The following KCNQ5 variants were observed in gnomAD, a reference collection of about 807,000 sequenced individuals.
KCNQ5 encodes the protein potassium voltage-gated channel subfamily Q member 5.
In KCNQ5, 30 loss-of-function variants were observed where a neutral mutation model predicts 98.2. The observed-to-expected ratio is 0.31, with a 90% CI of 0.23 to 0.41. The LOEUF (loss-of-function observed/expected upper bound fraction) is 0.41, where lower values mean the gene tolerates loss of function less well. Ranked by LOEUF, KCNQ5 falls within the 10% of genes least tolerant of loss-of-function variation. The pLI is 1.00. For synonymous variants in KCNQ5, 458 were observed against 449.4 expected (o/e 1.02, Z -0.24); for missense variants, 835 against 1,182.5 (o/e 0.71, Z 4.31).
At chr6:72,838,131 A>T (rs1776597516) in intron 1 of KCNQ5, among the ~76,000 whole-genome samples, 1 of 112,450 alleles carries the variant, frequency 8.9e-6, no homozygotes, top group South Asian at 3.3e-4. Context: ...AGGCCCCGAC[A>T]CCAGGTTATT....
At chr6:72,645,986 C>A (rs1428095716) in intron 1 of KCNQ5, among the ~76,000 whole-genome samples, 2 of 151,886 alleles carry the variant, frequency 1.3e-5, no homozygotes, top group Admixed American at 6.6e-5. Context: ...ATGTACTGTG[C>A]CCCTAGTTAA....
chr6:72,863,223 C>T (rs1172979516), intron 1 of KCNQ5, among the ~76,000 whole-genome samples: 1 of 152,054 alleles, frequency 6.6e-6, no homozygotes, highest in Non-Finnish European at 1.5e-5. Context: ...CTTTTCCTGC[C>T]CATACTAAAT....
chr6:72,635,603 T>A, intron 1 of KCNQ5, among the ~76,000 whole-genome samples: 1 of 151,710 alleles, frequency 6.6e-6, no homozygotes, highest in East Asian at 1.9e-4. Flanking sequence ...ACATTTTCCC[T>A]GGATGTTTCT....
chr6:72,982,832 T>G lies in KCNQ5; in HGVS notation c.399-21076T>G, dbSNP rs150342071. 2.2e-3 allele frequency among the ~76,000 whole-genome samples: 333 copies of G among 152,352 alleles called. 1 individual carries two copies. The highest frequency in any genetic ancestry group is 7.4e-3 in the African/African-American group (307 of 41,578). On this transcript the variant is annotated intron_variant, in intron 1 of 13. Coordinates refer to ENST00000370398, the MANE Select transcript of KCNQ5 (RefSeq NM_019842.4). Reference sequence around the variant, plus strand: ...ACCGGTTGTTGCTTTCCATGTTTAGTGCTTCCTTTAGGAGCTCTTGTCAGG... The same window carrying G: ...ACCGGTTGTTGCTTTCCATGTTTAGGGCTTCCTTTAGGAGCTCTTGTCAGG...
chr6:73,105,843 CATT>C (rs932951210), intron 6 of KCNQ5, among the ~76,000 whole-genome samples: 3 of 152,042 alleles, frequency 2.0e-5, no homozygotes, highest in Non-Finnish European at 4.4e-5. Flanking sequence ...GTGTCATCAT[CATT>C]GATTTTTTTA....
chr6:72,791,574 C>T (rs1458940696), intron 1 of KCNQ5, among the ~76,000 whole-genome samples: 1 of 152,102 alleles, frequency 6.6e-6, no homozygotes, highest in Admixed American at 6.6e-5. Flanking sequence ...TTTGTAAATT[C>T]AACTATTTGG....
intron 1 of KCNQ5, among the ~76,000 whole-genome samples, chr6:72,994,624 G>T (rs556167974): frequency 1.1e-3 from 166 of 150,866 alleles, no homozygotes; most frequent in African/African-American, 4.0e-3. Context: ...CGTCTTCTGC[G>T]TCGCTCACGC....
In KCNQ5 at chr6:73,166,659, G is replaced by A. The variant is rs117202577; in HGVS notation, c.1469-3087G>A. 1.9e-3 allele frequency among the ~76,000 whole-genome samples: 293 copies of A among 152,292 alleles called. 2 individuals are homozygous for A. The highest frequency in any genetic ancestry group is 3.3e-3 in the Admixed American group (51 of 15,296). On this transcript the variant is annotated intron_variant, in intron 10 of 13. Transcript: ENST00000370398. ...ACAAATCAGGTGGCTTGAAAGCACA[G>A]AAGTGTATTATCTCACAGTACGGGA...
At chr6:72,800,188 A>T (rs1450459638) in intron 1 of KCNQ5, among the ~76,000 whole-genome samples, 1 of 152,168 alleles carries the variant, frequency 6.6e-6, no homozygotes, top group African/African-American at 2.4e-5. Context: ...TGATAGGAAT[A>T]GTTTCAGAAG....
intron 1 of KCNQ5, among the ~76,000 whole-genome samples, chr6:72,728,692 C>A (rs1034526837): frequency 6.6e-6 from 1 of 152,196 alleles, no homozygotes; most frequent in Non-Finnish European, 1.5e-5. Context: ...TGTATCAACA[C>A]TTGCCTTGGT....
At chr6:72,847,130 T>A (rs530428290) in intron 1 of KCNQ5, among the ~76,000 whole-genome samples, 165 of 151,628 alleles carry the variant, frequency 1.1e-3, no homozygotes, top group African/African-American at 3.8e-3. Context: ...TAAAATAAAT[T>A]AAAAAAAAAT....
intron 1 of KCNQ5, among the ~76,000 whole-genome samples, chr6:72,666,826 G>A (rs1024678435): frequency 1.4e-4 from 21 of 152,100 alleles, no homozygotes; most frequent in African/African-American, 4.8e-4. Flanking sequence ...AACTTATTAA[G>A]TATATTCATG....
At chr6:72,774,316 C>A (rs1457739173) in intron 1 of KCNQ5, among the ~76,000 whole-genome samples, 1 of 152,068 alleles carries the variant, frequency 6.6e-6, no homozygotes, top group Non-Finnish European at 1.5e-5. Context: ...CCTGTCTGAA[C>A]TCCAATAAAA....
chr6:72,987,751 A>G, intron 1 of KCNQ5: 1 of 492,286 alleles, frequency 2.0e-6, no homozygotes, highest in East Asian at 5.0e-5. Flanking sequence ...GGAAGATTAA[A>G]CTCTAGAGTT....
At chr6:72,741,814 G>T (rs1582204917) in intron 1 of KCNQ5, among the ~76,000 whole-genome samples, 1 of 152,144 alleles carries the variant, frequency 6.6e-6, no homozygotes. Context: ...TATGCTTCCT[G>T]GTGGTAGTTT....
At chr6:72,760,447 CGTGTGTGTGTGTGT>C (rs10607088) in intron 1 of KCNQ5, among the ~76,000 whole-genome samples, 8 of 148,032 alleles carry the variant, frequency 5.4e-5, no homozygotes, top group Admixed American at 1.3e-4. Context: ...TTCAGGAGTA[CGTGTGTGTGTGTGT>C]GTGTGTGTGT....
At chr6:72,860,855 A>ATG (rs10644054) in intron 1 of KCNQ5, among the ~76,000 whole-genome samples, 98,688 of 147,618 alleles carry the variant, frequency 0.67, 33,549 homozygotes, top group South Asian at 0.83. Context: ...GTGTGTGTGT[A>ATG]TGTGTGTGTG....
chr6:72,795,444 TTTTGTAC>T (rs111860183), intron 1 of KCNQ5, among the ~76,000 whole-genome samples: 27 of 152,352 alleles, frequency 1.8e-4, no homozygotes, highest in African/African-American at 6.5e-4. Flanking sequence ...TAAATTTTAA[TTTTGTAC>T]ATATCCCTCT....
intron 1 of KCNQ5, among the ~76,000 whole-genome samples, chr6:72,903,712 A>G (rs577594352): frequency 1.3e-5 from 2 of 151,974 alleles, no homozygotes; most frequent in South Asian, 2.1e-4. Flanking sequence ...TATAATTTCA[A>G]TTTTCTTAAA....
Sources: gnomAD v4.1 joint callset for allele counts (sites outside exome capture counted in the v4.1 genomes callset) on GRCh38, gnomAD v4.1.1 for gene constraint, MANE v1.5 for transcripts, NCBI Gene and HGNC (gene_info 2026-07-23, HGNC 2026-07-21) for gene names.